ACTR3C: variants seen among roughly 807,000 people sequenced by gnomAD.
The protein encoded by ACTR3C is actin-related protein 3C.
ACTR3C carries 18 observed loss-of-function variants against 26.3 expected under a neutral mutation model. That is an observed-to-expected ratio of 0.68 (90% confidence interval 0.47 to 1.01). The LOEUF is 1.01. Among genes scored for constraint, ACTR3C ranks in the 50% least tolerant of loss-of-function variants. The pLI, the probability that ACTR3C is intolerant of heterozygous loss-of-function variation, is 0.00. For synonymous variants in ACTR3C, 55 were observed against 94.5 expected, an observed-to-expected ratio of 0.58 and a Z score of 2.42; for missense variants, 184 against 250.7, an observed-to-expected ratio of 0.73 and a Z score of 1.80.
chr7:150,164,845 A>G, the ACTR3C span, among the ~76,000 whole-genome samples: 4 of 152,194 alleles, frequency 2.6e-5, no homozygotes, highest in Admixed American at 2.6e-4. Context: ...TCAACAAGGA[A>G]GGCCCCTTAA....
the ACTR3C span, among the ~76,000 whole-genome samples, chr7:150,101,007 G>GT: frequency 3.3e-5 from 5 of 151,420 alleles, no homozygotes; most frequent in Non-Finnish European, 7.4e-5. Flanking sequence ...CCACTGCCAA[G>GT]TTTTTTTTAA....
At chr7:149,940,416 C>T in the ACTR3C span, among the ~76,000 whole-genome samples, 1 of 151,820 alleles carries the variant, frequency 6.6e-6, no homozygotes, top group African/African-American at 2.4e-5. Flanking sequence ...TAAAGATCAA[C>T]TCCACTTACT....
At chr7:149,954,235 T>C in the ACTR3C span, among the ~76,000 whole-genome samples, 3 of 152,228 alleles carry the variant, frequency 2.0e-5, no homozygotes, top group African/African-American at 7.2e-5. Context: ...TGAAAGTCCA[T>C]GTGACATTAA....
the ACTR3C span, among the ~76,000 whole-genome samples, chr7:150,010,709 A>T: frequency 9.1e-4 from 138 of 151,674 alleles, 5 homozygotes; most frequent in South Asian, 0.025. Flanking sequence ...AAAAAAAAAA[A>T]AAATAAGCTC....
the ACTR3C span, among the ~76,000 whole-genome samples, chr7:149,978,374 G>A: frequency 2.7e-5 from 4 of 150,804 alleles, no homozygotes; most frequent in Non-Finnish European, 4.4e-5. Flanking sequence ...AACCCTTATG[G>A]TCTCCACAAG....
chr7:150,029,422 C>CAACA, the ACTR3C span, among the ~76,000 whole-genome samples: 13 of 68,114 alleles, frequency 1.9e-4, no homozygotes, highest in Non-Finnish European at 2.8e-4. Flanking sequence ...AAAAAACAAA[C>CAACA]AAAAAAAAAC....
chr7:150,192,136 A>C, the ACTR3C span, among the ~76,000 whole-genome samples: 1 of 150,750 alleles, frequency 6.6e-6, no homozygotes, highest in African/African-American at 2.4e-5. Context: ...CTAGTATTTT[A>C]TTGAGAATAT....
chr7:150,076,852 T>C, the ACTR3C span, among the ~76,000 whole-genome samples: 1 of 152,142 alleles, frequency 6.6e-6, no homozygotes, highest in Non-Finnish European at 1.5e-5. Flanking sequence ...GTCTTTGTAA[T>C]ACAATCTGTT....
At chr7:150,033,396 T>C in the ACTR3C span, among the ~76,000 whole-genome samples, 2 of 152,248 alleles carry the variant, frequency 1.3e-5, no homozygotes, top group Admixed American at 6.5e-5. Context: ...TATCAGCTCC[T>C]GACATGATTC....
At chr7:149,956,285 A>G in the ACTR3C span, among the ~76,000 whole-genome samples, 1 of 152,166 alleles carries the variant, frequency 6.6e-6, no homozygotes, top group Non-Finnish European at 1.5e-5. Flanking sequence ...GGCTGGGTGC[A>G]GTGTTTCACG....
the ACTR3C span, among the ~76,000 whole-genome samples, chr7:150,045,804 T>C: frequency 2.0e-5 from 3 of 152,254 alleles, no homozygotes; most frequent in African/African-American, 7.2e-5. Context: ...CTTTCCTTTC[T>C]CCTAGCGACA....
At chr7:150,033,698 T>C in the ACTR3C span, among the ~76,000 whole-genome samples, 1 of 143,474 alleles carries the variant, frequency 7.0e-6, no homozygotes, top group Non-Finnish European at 1.5e-5. Flanking sequence ...CCACTTGCGA[T>C]GGGGGTACTA....
chr7:150,017,801 T>C, the ACTR3C span, among the ~76,000 whole-genome samples: 1 of 150,312 alleles, frequency 6.7e-6, no homozygotes, highest in Non-Finnish European at 1.5e-5. Flanking sequence ...ATCCTTCCAG[T>C]GAAAACCGCA....
chr7:150,148,456 G>A, the ACTR3C span, among the ~76,000 whole-genome samples: 1 of 152,034 alleles, frequency 6.6e-6, no homozygotes, highest in African/African-American at 2.4e-5. Flanking sequence ...CAGCCTGGGC[G>A]ACAGAGCAAG....
chr7:149,900,849 A>G, the ACTR3C span, among the ~76,000 whole-genome samples: 10 of 152,232 alleles, frequency 6.6e-5, no homozygotes, highest in African/African-American at 2.2e-4. Flanking sequence ...CCTGGCCAAC[A>G]TGGTGAAAAC....
chr7:149,899,913 A>AG, the ACTR3C span, among the ~76,000 whole-genome samples: 2 of 147,954 alleles, frequency 1.4e-5, no homozygotes, highest in African/African-American at 2.5e-5. Context: ...AAAAAAAAAA[A>AG]AAATTCAGCT....
chr7:150,283,234 T>C (rs1835492402), intron 6 of ACTR3C, among the ~76,000 whole-genome samples: 1 of 149,602 alleles, frequency 6.7e-6, no homozygotes, highest in South Asian at 2.1e-4. Flanking sequence ...TGTTCCCTGC[T>C]GCTGCTTTCA....
At chr7:150,256,766 TA>T (rs56789869) in intron 6 of ACTR3C, among the ~76,000 whole-genome samples, 25,088 of 147,506 alleles carry the variant, frequency 0.17, 4,242 homozygotes, top group African/African-American at 0.43. Context: ...ATGAAAGTTG[TA>T]AAAAAAAAAA....
At chr7:150,249,787 T>C (rs1832707163) in intron 6 of ACTR3C, among the ~76,000 whole-genome samples, 1 of 152,194 alleles carries the variant, frequency 6.6e-6, no homozygotes, top group Admixed American at 6.5e-5. Context: ...CGATATTTGA[T>C]GTTTGAAGCA....
Sources: allele counts gnomAD v4.1 joint callset (sites outside exome capture counted in the v4.1 genomes callset), GRCh38; gene constraint gnomAD v4.1.1; transcripts MANE v1.5; gene names NCBI Gene and HGNC (gene_info 2026-07-23, HGNC 2026-07-21).